NAA16: variants seen among roughly 807,000 people sequenced by gnomAD.
NAA16 encodes N-alpha-acetyltransferase 16, NatA auxiliary subunit, also known as NARG1-like protein.
A neutral mutation model predicts 110.3 loss-of-function variants in NAA16; 97 were observed. The observed-to-expected ratio is 0.88, with a 90% confidence interval of 0.75 to 1.04. The LOEUF is 1.04. Among genes scored for constraint, NAA16 ranks in the 50% least tolerant of loss-of-function variants. NAA16 has a pLI of 0.00. For missense variants in NAA16, 1,017 were observed against 1,005.1 expected, an observed-to-expected ratio of 1.01 and a Z score of -0.16; for synonymous variants, 372 against 330.6, an observed-to-expected ratio of 1.13 and a Z score of -1.36.
At chr13:41,345,731 C>T (rs913771282) in intron 9 of NAA16, among the ~76,000 whole-genome samples, 2 of 152,212 alleles carry the variant, frequency 1.3e-5, no homozygotes, top group African/African-American at 2.4e-5. Flanking sequence ...TACAGGCATG[C>T]GCTACCGTGC....
chr13:41,353,987 G>C (rs1021350144), intron 9 of NAA16, among the ~76,000 whole-genome samples: 1 of 152,034 alleles, frequency 6.6e-6, no homozygotes, highest in Non-Finnish European at 1.5e-5. Context: ...CCTAATGTCT[G>C]GTCATATTTT....
chr13:41,318,974 T>G, intron 3 of NAA16, 64 bp downstream of exon 3: 1 of 929,370 alleles, frequency 1.1e-6, no homozygotes, highest in Non-Finnish European at 1.6e-6. Context: ...TCAAATTAAA[T>G]TTGTACTATG....
chr13:41,317,731 C>CTTA (rs2041846167), intron 2 of NAA16, among the ~76,000 whole-genome samples: 1 of 152,078 alleles, frequency 6.6e-6, no homozygotes, highest in East Asian at 1.9e-4. Flanking sequence ...CCAAATGGTG[C>CTTA]CTGTGGGAAA....
chr13:41,362,275 A>C (rs752816897), intron 13 of NAA16, 116 bp downstream of exon 13: 16 of 1,135,892 alleles, frequency 1.4e-5, no homozygotes, highest in Admixed American at 6.0e-5. Context: ...TTGTGAAAAA[A>C]ATTCTTGATC....
chr13:41,323,295 C>A, intron 5 of NAA16, 105 bp downstream of exon 5: 3 of 1,134,124 alleles, frequency 2.6e-6, no homozygotes, highest in Admixed American at 2.4e-5. Context: ...CTATGGAAAA[C>A]GGGAAAACTT....
At position 41,340,063 on chromosome 13, in the gene NAA16, TA is replaced by T. The variant is rs767858181; in HGVS notation, c.1014+3312del. Reference sequence around the variant, plus strand: ...TTTATAAATAAGAATAAAATATTACTAAAAATATATTTATATCCCTTTTAAG... The same window carrying T: ...TTTATAAATAAGAATAAAATATTACTAAAATATATTTATATCCCTTTTAAG... On this transcript the variant is annotated intron_variant, in intron 9 of 19. Transcript: ENST00000379406. Among the ~76,000 whole-genome samples the T allele has an allele frequency of 2.0e-4, 31 of 152,160 alleles. 1 individual carries two copies. The highest frequency in any genetic ancestry group is 2.9e-4 in the Non-Finnish European group (20 of 68,020).
In NAA16 at chr13:41,311,363, CG is replaced by C. The variant is rs1174553389; in HGVS notation, c.-165del. On this transcript the variant is annotated 5_prime_UTR_variant, in exon 1 of 20. Coordinates refer to ENST00000379406, the MANE Select transcript of NAA16 (RefSeq NM_024561.5). ...ACCGCCTTCCTTCTCCATTGCCACC[CG>C]TGCCGAACAGCCAGGCTGCCCAATT... The C allele has an allele frequency of 3.2e-6, 2 of 632,378 alleles. No homozygotes were observed. The highest frequency in any genetic ancestry group is 5.5e-6 in the Non-Finnish European group (2 of 364,262). The allele number at this position is 632,378 out of a possible 1,614,324, so 39.2% of individuals were successfully genotyped here.
chr13:41,316,364 T>C (rs1042277448), intron 1 of NAA16, among the ~76,000 whole-genome samples: 91 of 150,904 alleles, frequency 6.0e-4, no homozygotes, highest in Admixed American at 1.9e-3. Flanking sequence ...TGGAGTGCAG[T>C]GGTGTGATCT....
intron 9 of NAA16, among the ~76,000 whole-genome samples, chr13:41,353,402 A>ATT (rs915687946): frequency 7.7e-4 from 114 of 148,242 alleles, no homozygotes; most frequent in African/African-American, 2.5e-3. Context: ...AGTCTTTGCA[A>ATT]TTTTTTTTTT....
At chr13:41,354,131 A>G (rs1234748928) in intron 9 of NAA16, among the ~76,000 whole-genome samples, 1 of 152,076 alleles carries the variant, frequency 6.6e-6, no homozygotes, top group Non-Finnish European at 1.5e-5. Context: ...TTATTTCCAC[A>G]TTGTCCATTG....
chr13:41,321,402 C>G (rs1185105670), intron 4 of NAA16, among the ~76,000 whole-genome samples: 3 of 152,176 alleles, frequency 2.0e-5, no homozygotes. Flanking sequence ...GTCTTGAACT[C>G]CTAGGCTCCA....
At chr13:41,349,335 A>T (rs972913972) in intron 9 of NAA16, among the ~76,000 whole-genome samples, 9 of 151,878 alleles carry the variant, frequency 5.9e-5, no homozygotes, top group Admixed American at 1.3e-4. Flanking sequence ...ACAGGCATGT[A>T]CCACCATGCC....
chr13:41,350,145 C>G (rs2042790013), intron 9 of NAA16, among the ~76,000 whole-genome samples: 1 of 151,438 alleles, frequency 6.6e-6, no homozygotes, highest in South Asian at 2.1e-4. Context: ...GTGGCGCATT[C>G]TAGATACTTG....
chr13:41,362,911 CTT>C lies in NAA16; in HGVS notation c.1539+756_1539+757del, dbSNP rs2139504168. 3.5e-6 allele frequency: 4 copies of C among 1,133,196 alleles called. No homozygotes were observed. The South Asian group carries it at 7.7e-5, about 22-fold the overall frequency. The allele number at this position is 1,133,196 out of a possible 1,614,324, so 70.2% of individuals were successfully genotyped here. On this transcript the variant is annotated intron_variant, in intron 13 of 19. Coordinates refer to ENST00000379406, the MANE Select transcript of NAA16 (RefSeq NM_024561.5). ...TCTGCACCGTGGCAGTCACTTTGGC[CTT>C]TTTCCCACGTGAAATTTCTGAGATT...
In NAA16 at chr13:41,369,009, A is replaced by G. The variant is rs192263564; in HGVS notation, c.1754-81A>G. ...CCCCCACTGATACCAAGGGACAACC[A>G]TACTAACAGTATGTATTACAGAAGA... On this transcript the variant is annotated intron_variant, in intron 14 of 19. Coordinates refer to ENST00000379406, the MANE Select transcript of NAA16 (RefSeq NM_024561.5). 819 of 1,243,460 alleles carry G rather than the reference A, an allele frequency of 6.6e-4. 5 individuals carry two copies. In the African/African-American group the frequency reaches 0.011, roughly 17 times the overall value. 77.0% of individuals were successfully genotyped at this position (1,243,460 alleles called of 1,614,324 possible). A position where few individuals can be genotyped will look rare whatever the true frequency, so the allele number is the denominator to read the frequency against.
At chr13:41,359,025 A>G in intron 12 of NAA16, 63 bp downstream of exon 12, 6 of 1,373,150 alleles carry the variant, frequency 4.4e-6, no homozygotes, top group Non-Finnish European at 5.9e-6. Flanking sequence ...AAGTTTGTCT[A>G]AATTAAGACA....
chr13:41,372,675 T>C, intron 16 of NAA16, 57 bp from the exon 17 acceptor site: 1 of 1,452,268 alleles, frequency 6.9e-7, no homozygotes, highest in South Asian at 1.6e-5. Flanking sequence ...TGAAATAAAG[T>C]GAGGAAAATA....
At chr13:41,337,972 C>A (rs538940679) in intron 9 of NAA16, among the ~76,000 whole-genome samples, 29 of 152,100 alleles carry the variant, frequency 1.9e-4, no homozygotes, top group Middle Eastern at 3.4e-3. Flanking sequence ...AACAAAAAAA[C>A]CCAAAAAACC....
intron 9 of NAA16, among the ~76,000 whole-genome samples, chr13:41,346,642 T>C (rs535487664): frequency 4.6e-5 from 7 of 152,172 alleles, no homozygotes; most frequent in African/African-American, 1.7e-4. Context: ...GCCTGGCACC[T>C]GGCTCTGGGA....
Sources: allele counts gnomAD v4.1 joint callset (sites outside exome capture counted in the v4.1 genomes callset), GRCh38; gene constraint gnomAD v4.1.1; transcripts MANE v1.5; gene names NCBI Gene and HGNC (gene_info 2026-07-23, HGNC 2026-07-21).